Variants in ZFHX3 observed in about 807,000 individuals in gnomAD.
The protein encoded by ZFHX3 is zinc finger homeobox 3.
In ZFHX3, 42 loss-of-function variants were observed where a neutral mutation model predicts 279.1. That is an observed-to-expected ratio of 0.15 (90% CI 0.12 to 0.19). The LOEUF (loss-of-function observed/expected upper bound fraction) is 0.19. Among genes scored for constraint, ZFHX3 ranks in the 10% least tolerant of loss-of-function variants. The probability of loss-of-function intolerance (pLI) is 1.00; values close to 1 mark genes in which losing one functional copy is unlikely to be tolerated. For missense variants in ZFHX3, 4,981 were observed against 4,754.0 expected (o/e 1.05, Z -1.40); for synonymous variants, 2,293 against 1,957.8 (o/e 1.17, Z -4.52).
Position 73,433,641 on chromosome 16 carries a change from C to T in ZFHX3, c.-1291+22362G>A, listed in dbSNP as rs2017946879. Reference sequence around the variant, plus strand: ...TGCATACACACAGGGGGACCATGCTCCTAGGGGAGCCATAAAGCCTGCCAC... The same window carrying T: ...TGCATACACACAGGGGGACCATGCTTCTAGGGGAGCCATAAAGCCTGCCAC... On this transcript the variant is annotated intron_variant, in intron 3 of 17. Coordinates refer to the ZFHX3 transcript ENST00000641206. Among the ~76,000 whole-genome samples the T allele has an allele frequency of 2.0e-5, 3 of 152,286 alleles. No homozygotes were observed. The South Asian group carries it at 6.2e-4, about 32-fold the overall frequency.
intron 4 of ZFHX3, among the ~76,000 whole-genome samples, chr16:73,302,835 G>GC (rs2015088320): frequency 6.6e-6 from 1 of 152,196 alleles, no homozygotes; most frequent in Non-Finnish European, 1.5e-5. Context: ...TCAGGACAGA[G>GC]CTTGCAGGGA....
chr16:73,003,519 C>CG (rs34361775), intron 1 of ZFHX3, among the ~76,000 whole-genome samples: 16,672 of 144,292 alleles, frequency 0.12, 1,313 homozygotes, highest in Middle Eastern at 0.17. Flanking sequence ...GAGACCCCCC[C>CG]CTCCCCACCC....
chr16:73,151,935 C>G (rs907221643), intron 5 of ZFHX3, among the ~76,000 whole-genome samples: 1 of 131,344 alleles, frequency 7.6e-6, no homozygotes. Flanking sequence ...CCCACCCACA[C>G]AGAAAAAAAC....
At chr16:73,770,991 C>A (rs570268686) in intron 1 of ZFHX3, among the ~76,000 whole-genome samples, 1 of 152,282 alleles carries the variant, frequency 6.6e-6, no homozygotes, top group South Asian at 2.1e-4. Flanking sequence ...TGGTCTAGCT[C>A]CTAACTAGCT....
At position 72,799,144 on chromosome 16, in the gene ZFHX3, A is replaced by G. The variant is rs74028112; in HGVS notation, c.3968-430T>C. Among the ~76,000 whole-genome samples the G allele has an allele frequency of 6.9e-3, 1,052 of 152,340 alleles. 16 individuals are homozygous for G. The highest frequency in any genetic ancestry group is 0.024 in the African/African-American group (985 of 41,580). On this transcript the variant is annotated intron_variant, in intron 8 of 9. Transcript: ENST00000268489. ...TAGCACAGTAGATCTGAAGTGTAGA[A>G]TATGTGAATTAATGCTGTCCTAAGT...
At chr16:73,375,514 T>C (rs374856957) in intron 3 of ZFHX3, among the ~76,000 whole-genome samples, 3 of 152,156 alleles carry the variant, frequency 2.0e-5, no homozygotes, top group East Asian at 3.8e-4. Context: ...ACAGCAAAAA[T>C]TGTAGACACA....
At chr16:73,757,517 G>T (rs2053822550) in intron 1 of ZFHX3, among the ~76,000 whole-genome samples, 1 of 152,128 alleles carries the variant, frequency 6.6e-6, no homozygotes, top group African/African-American at 2.4e-5. Flanking sequence ...GGACAGTAGG[G>T]AATGTTTTTT....
chr16:72,787,132 ATTCAT>A lies in ZFHX3; in HGVS notation c.*27_*31del, dbSNP rs781520003. 7.4e-7 allele frequency: 1 copy of A among 1,352,600 alleles called. No homozygotes were observed. The highest frequency in any genetic ancestry group is 9.6e-7 in the Non-Finnish European group (1 of 1,042,410). 83.8% of individuals were successfully genotyped at this position (1,352,600 alleles called of 1,614,324 possible). Reference sequence around the variant, plus strand: ...GTTTGTTATTAATTTTTGTATTTAAATTCATTTGTTTGTATTGTTCATCTTCAAAG... The same window carrying A: ...GTTTGTTATTAATTTTTGTATTTAAATTGTTTGTATTGTTCATCTTCAAAG... On this transcript the variant is annotated 3_prime_UTR_variant, in exon 10 of 10. Coordinates refer to ENST00000268489, the MANE Select transcript of ZFHX3 (RefSeq NM_006885.4).
At chr16:73,101,212 G>C (rs1206335726) in intron 7 of ZFHX3, among the ~76,000 whole-genome samples, 1 of 152,014 alleles carries the variant, frequency 6.6e-6, no homozygotes, top group Non-Finnish European at 1.5e-5. Flanking sequence ...TCTCAATTGT[G>C]GTCCATAACC....
intron 1 of ZFHX3, among the ~76,000 whole-genome samples, chr16:72,970,203 A>T (rs1484008047): frequency 6.7e-6 from 1 of 150,002 alleles, no homozygotes; most frequent in Non-Finnish European, 1.5e-5. Context: ...TAGAGGAATT[A>T]AAAAAGATTT....
intron 5 of ZFHX3, among the ~76,000 whole-genome samples, chr16:72,820,503 A>C (rs1158663731): frequency 6.6e-6 from 1 of 152,150 alleles, no homozygotes; most frequent in African/African-American, 2.4e-5. Context: ...AATTATAGGC[A>C]CTGGACTGCC....
At chr16:73,803,223 T>TGTACAAAA (rs2142328249) in intron 1 of ZFHX3, among the ~76,000 whole-genome samples, 1 of 152,220 alleles carries the variant, frequency 6.6e-6, no homozygotes, top group East Asian at 1.9e-4. Context: ...AGTCAAGAAA[T>TGTACAAAA]GTACAAAAGA....
At chr16:73,883,743 G>T (rs935083353) in intron 1 of ZFHX3, among the ~76,000 whole-genome samples, 2 of 151,898 alleles carry the variant, frequency 1.3e-5, no homozygotes, top group Non-Finnish European at 2.9e-5. Context: ...GAAATAATTT[G>T]CACATAGCTA....
chr16:73,550,533 T>G (rs573538698), intron 2 of ZFHX3, among the ~76,000 whole-genome samples: 1 of 152,194 alleles, frequency 6.6e-6, no homozygotes, highest in Non-Finnish European at 1.5e-5. Context: ...GTTTTAATGT[T>G]CCAGCGTCAA....
Position 72,950,608 on chromosome 16 carries a change from T to C in ZFHX3, c.3077A>G (p.Glu1026Gly), listed in dbSNP as rs1286758502. The change falls in exon 3 of 10, where the codon GAG (glutamate) becomes GGG (glycine). Residue 1026 changes from glutamate to glycine, a missense_variant. Glu to Gly is a moderately conservative substitution (Grantham distance 98). Around this residue, in one of 7 missense-constraint regions of ZFHX3, gnomAD observed 1,751 missense variants for 1,770.0 expected, o/e 0.99. Coordinates refer to ENST00000268489, the MANE Select transcript of ZFHX3 (RefSeq NM_006885.4). ...GATGGCCACACACTTGAGCCTCCAC[T>C]CGTTGGCCTTGCCGCCCTCCTTGAT... ...AHIKEGGKAN[E>G]WRLKCVAIGN... is the part of the protein sequence containing the mutation. 3.1e-6 allele frequency: 5 copies of C among 1,614,208 alleles called. 1 individual carries two copies. The South Asian group carries it at 5.5e-5, about 18-fold the overall frequency.
chr16:72,991,739 C>T (rs1403101567), intron 1 of ZFHX3, among the ~76,000 whole-genome samples: 1 of 152,164 alleles, frequency 6.6e-6, no homozygotes, highest in East Asian at 1.9e-4. Flanking sequence ...CACACAAGTA[C>T]TCAGACTTCC....
intron 3 of ZFHX3, among the ~76,000 whole-genome samples, chr16:73,434,009 A>C (rs1182326026): frequency 6.6e-6 from 1 of 152,202 alleles, no homozygotes; most frequent in Non-Finnish European, 1.5e-5. Context: ...GCGAGCTGGA[A>C]GAGGAGGCGT....
chr16:73,513,546 T>C (rs1467032378), intron 2 of ZFHX3, among the ~76,000 whole-genome samples: 1 of 152,166 alleles, frequency 6.6e-6, no homozygotes, highest in Non-Finnish European at 1.5e-5. Context: ...CAGGATCTGA[T>C]AGCCTCCCTC....
At chr16:73,369,563 A>C (rs1236982070) in intron 3 of ZFHX3, among the ~76,000 whole-genome samples, 2 of 152,168 alleles carry the variant, frequency 1.3e-5, no homozygotes, top group Non-Finnish European at 2.9e-5. Flanking sequence ...CACAGGTTAT[A>C]GGAAGAACCA....
Sources: gnomAD v4.1 joint callset for allele counts (sites outside exome capture counted in the v4.1 genomes callset) on GRCh38, gnomAD v4.1.1 for gene constraint, gnomAD v4.1.1 regional missense constraint, MANE v1.5 for transcripts, NCBI Gene and HGNC (gene_info 2026-07-23, HGNC 2026-07-21) for gene names.